The following ARMC9 variants were observed in gnomAD, a reference collection of about 807,000 sequenced individuals.
ARMC9 encodes the protein lisH domain-containing protein ARMC9.
In ARMC9, 94 loss-of-function variants were observed where a neutral mutation model predicts 107.0. The ratio of observed to expected loss-of-function variants is 0.88; its 90% CI spans 0.74 to 1.04. The LOEUF (loss-of-function observed/expected upper bound fraction) is 1.04, where lower values mean the gene tolerates loss of function less well. ARMC9 is among the 50% of genes least tolerant of loss of function. The probability of loss-of-function intolerance (pLI) is 0.00; values close to 1 mark genes in which losing one functional copy is unlikely to be tolerated. For synonymous variants in ARMC9, 380 were observed against 396.9 expected, an observed-to-expected ratio of 0.96 and a Z score of 0.51; for missense variants, 942 against 1,030.1, an observed-to-expected ratio of 0.91 and a Z score of 1.17.
Position 231,214,830 on chromosome 2 carries a change from G to A in ARMC9, c.178-1G>A, listed in dbSNP as rs781417301. 5.0e-6 allele frequency: 8 copies of A among 1,613,724 alleles called. No homozygotes were observed. The highest frequency in any genetic ancestry group is 1.6e-4 in the Middle Eastern group (1 of 6,084). On this transcript the variant is annotated splice_acceptor_variant, in intron 3 of 24. Transcript: ENST00000611582. LOFTEE classifies it high-confidence loss of function. Reference sequence around the variant, plus strand: ...TATGTAGTCTGATGTCTTCTCCACAGAAGGATCTTGTCGCTGCATTTGACA... The same window carrying A: ...TATGTAGTCTGATGTCTTCTCCACAAAAGGATCTTGTCGCTGCATTTGACA...
chr2:231,350,951 T>G (rs1055577931), intron 21 of ARMC9, among the ~76,000 whole-genome samples: 1 of 115,198 alleles, frequency 8.7e-6, no homozygotes. Context: ...CAATTCTTTT[T>G]TTTTTTTTTT....
chr2:231,261,618 T>G (rs908161190), intron 11 of ARMC9, among the ~76,000 whole-genome samples: 5 of 152,208 alleles, frequency 3.3e-5, no homozygotes, highest in African/African-American at 1.2e-4. Flanking sequence ...TCCCCCACTG[T>G]GCTCATGCTC....
rs2125592563 is a variant in ARMC9 at position 231,358,955 on chromosome 2, A to T, written c.2132-1799A>T. On this transcript the variant is annotated intron_variant, in intron 22 of 24. Coordinates refer to ENST00000611582, the MANE Select transcript of ARMC9 (RefSeq NM_001352754.2). This position sits in a 1 kb window ranked among gnomAD's most constrained non-coding sequence, Gnocchi z 4.5. ...TTGGGACTTCATAGCCCTGGGAGTT[A>T]AAATGCCCAGCCCTGTCTGAAATGG... is the stretch of plus-strand genomic sequence containing the variant. Among the ~76,000 whole-genome samples the T allele has an allele frequency of 1.3e-5, 2 of 152,310 alleles. No individual in the cohort carries two copies. Among genetic ancestry groups the T allele is most frequent in the African/African-American group, 4.8e-5 (2 of 41,570 alleles).
intron 16 of ARMC9, among the ~76,000 whole-genome samples, chr2:231,281,031 G>A (rs1051767223): frequency 1.3e-5 from 2 of 152,182 alleles, no homozygotes; most frequent in South Asian, 2.1e-4. Flanking sequence ...CAGGCACAGC[G>A]TACAGCCTGC....
rs1445419954 is a variant in ARMC9 at position 231,358,548 on chromosome 2, G to A, written c.2132-2206G>A. On this transcript the variant is annotated intron_variant, in intron 22 of 24. Coordinates refer to ENST00000611582, the MANE Select transcript of ARMC9 (RefSeq NM_001352754.2). This position sits in a 1 kb window ranked among gnomAD's most constrained non-coding sequence, Gnocchi z 4.5. ...CAGGCCCATCCTGGCCCCAGGCAGC[G>A]CTCCCCACAGGTCTCCTTGCACACA... Among the ~76,000 whole-genome samples the A allele has an allele frequency of 2.6e-5, 4 of 152,116 alleles. No homozygotes were observed. The highest frequency in any genetic ancestry group is 1.9e-4 in the East Asian group (1 of 5,186).
chr2:231,314,870 A>G (rs969871823), intron 19 of ARMC9, among the ~76,000 whole-genome samples: 2 of 152,234 alleles, frequency 1.3e-5, no homozygotes, highest in African/African-American at 4.8e-5. Context: ...CCTCCTGCAT[A>G]TGAATATCCA....
chr2:231,361,269 A>G (rs1332145342), intron 23 of ARMC9, among the ~76,000 whole-genome samples: 1 of 152,060 alleles, frequency 6.6e-6, no homozygotes, highest in Non-Finnish European at 1.5e-5. Flanking sequence ...GGAGGTGAGT[A>G]AATGGTTTGG....
At chr2:231,272,796 G>A (rs951886460) in intron 13 of ARMC9, among the ~76,000 whole-genome samples, 159 bp from the exon 14 acceptor site, 3 of 152,164 alleles carry the variant, frequency 2.0e-5, no homozygotes, top group Admixed American at 6.5e-5. Context: ...GATTACAGGC[G>A]TGAGCCACCG....
intron 20 of ARMC9, among the ~76,000 whole-genome samples, chr2:231,339,978 C>G (rs2044398188): frequency 6.6e-6 from 1 of 152,186 alleles, no homozygotes; most frequent in Non-Finnish European, 1.5e-5. Flanking sequence ...CAAAATTTTA[C>G]CTTTCTCCCT....
chr2:231,252,804 T>A (rs1375021662), intron 9 of ARMC9, among the ~76,000 whole-genome samples: 2 of 132,814 alleles, frequency 1.5e-5, no homozygotes, highest in Non-Finnish European at 3.1e-5. Flanking sequence ...AACCCCCTAA[T>A]TTTTTTTTTT....
rs13428725 is a variant in ARMC9, at chr2:231,328,235, A to G, written c.1774-3558A>G. 6.8e-3 allele frequency among the ~76,000 whole-genome samples: 1,027 copies of G among 151,936 alleles called. 14 individuals are homozygous for G. Among genetic ancestry groups the G allele is most frequent in the African/African-American group, 0.024 (974 of 41,424 alleles). On this transcript the variant is annotated intron_variant, in intron 19 of 24. Coordinates refer to ENST00000611582, the MANE Select transcript of ARMC9 (RefSeq NM_001352754.2). ...AAATGTCTCTTCATGTCTTTTGCCC[A>G]TTTTCTAATTAGATTGTTTGGGTAT...
At chr2:231,281,967 T>A (rs2040247640) in intron 16 of ARMC9, 92 bp from the exon 17 acceptor site, 1 of 1,239,042 alleles carries the variant, frequency 8.1e-7, no homozygotes, top group East Asian at 2.4e-5. Flanking sequence ...ACTCTCCCCA[T>A]TTGCCAGATT....
At chr2:231,299,347 C>T (rs2041578987) in intron 19 of ARMC9, among the ~76,000 whole-genome samples, 1 of 152,084 alleles carries the variant, frequency 6.6e-6, no homozygotes, top group Admixed American at 6.5e-5. Flanking sequence ...GCCTATGTAG[C>T]GGAAAGGTGT....
intron 17 of ARMC9, among the ~76,000 whole-genome samples, chr2:231,287,340 A>G (rs1021292000): frequency 1.3e-5 from 2 of 152,188 alleles, no homozygotes; most frequent in African/African-American, 2.4e-5. Context: ...TTTGCTTGGC[A>G]GAATCTAGGT....
At position 231,283,882 on chromosome 2, in the gene ARMC9, G is replaced by A. The variant is rs375746109; in HGVS notation, c.1626+1749G>A. The stretch of plus-strand genomic sequence containing the variant: ...CCAGTAGCTGGGACTATAGGTGTGC[G>A]CCATCACACCTAGCTAATTTTTTTT... On this transcript the variant is annotated intron_variant, in intron 17 of 24. Coordinates refer to ENST00000611582, the MANE Select transcript of ARMC9 (RefSeq NM_001352754.2). Among the ~76,000 whole-genome samples the A allele has an allele frequency of 2.3e-3, 346 of 152,162 alleles. 2 individuals are homozygous for A. The highest frequency in any genetic ancestry group is 8.0e-3 in the African/African-American group (332 of 41,492).
chr2:231,278,637 T>C (rs891841522), intron 16 of ARMC9, among the ~76,000 whole-genome samples, 179 bp downstream of exon 16: 7 of 152,208 alleles, frequency 4.6e-5, no homozygotes, highest in African/African-American at 9.6e-5. Context: ...TTTTAGAATT[T>C]TGGAAGTCAG....
At chr2:231,337,290 ATTTTT>A (rs58078324) in intron 20 of ARMC9, among the ~76,000 whole-genome samples, 24 of 38,012 alleles carry the variant, frequency 6.3e-4, no homozygotes, top group African/African-American at 2.9e-3. Context: ...ATATATATAT[ATTTTT>A]TTTTTTTTTT....
At chr2:231,324,187 G>A (rs2125541373) in intron 19 of ARMC9, among the ~76,000 whole-genome samples, 1 of 144,286 alleles carries the variant, frequency 6.9e-6, no homozygotes, top group Non-Finnish European at 1.5e-5. Context: ...GAGTGCAGTG[G>A]TGCAATCTCG....
At chr2:231,308,884 C>T (rs1383991370) in intron 19 of ARMC9, among the ~76,000 whole-genome samples, 1 of 152,230 alleles carries the variant, frequency 6.6e-6, no homozygotes, top group Non-Finnish European at 1.5e-5. Context: ...AATCAGTCAC[C>T]TCTGATGGGT....
Sources: allele counts gnomAD v4.1 joint callset (sites outside exome capture counted in the v4.1 genomes callset), GRCh38; gene constraint gnomAD v4.1.1; non-coding constraint Gnocchi (gnomAD v3.1); transcripts MANE v1.5; gene names NCBI Gene and HGNC (gene_info 2026-07-23, HGNC 2026-07-21).